NTRK3: variants seen among roughly 807,000 people sequenced by gnomAD.
The protein encoded by NTRK3 is neurotrophic receptor tyrosine kinase 3.
Under a neutral mutation model 91.7 loss-of-function variants are expected in NTRK3, and 24 were observed. The ratio of observed to expected loss-of-function variants is 0.26; its 90% CI spans 0.19 to 0.37. The LOEUF is 0.37. Among genes scored for constraint, NTRK3 ranks in the 10% least tolerant of loss-of-function variants. The probability of loss-of-function intolerance (pLI) is 1.00; values close to 1 mark genes in which losing one functional copy is unlikely to be tolerated. For missense variants in NTRK3, 880 were observed against 1,068.9 expected (o/e 0.82, Z 2.46); for synonymous variants, 483 against 404.0 (o/e 1.20, Z -2.34).
chr15:88,153,787 C>T (rs867384478), intron 5 of NTRK3, among the ~76,000 whole-genome samples: 2 of 151,990 alleles, frequency 1.3e-5, no homozygotes, highest in Middle Eastern at 3.4e-3. Flanking sequence ...AGCTAGCTCT[C>T]GGGGGCCTCT....
chr15:88,183,407 G>C lies in NTRK3; in HGVS notation c.395+11C>G. The stretch of plus-strand genomic sequence containing the variant: ...ATGTGCCCCCAATCCCTGCAGCCCA[G>C]CTCTACTCACATATAACGCAAATGG... On this transcript the variant is annotated intron_variant, in intron 5 of 18. Coordinates refer to ENST00000394480, the Ensembl canonical transcript of NTRK3. The C allele has an allele frequency of 6.2e-7, 1 of 1,613,726 alleles. No individual in the cohort carries two copies. Among genetic ancestry groups the C allele is most frequent in the Non-Finnish European group, 8.5e-7 (1 of 1,179,724 alleles).
At position 88,255,586 on chromosome 15, in the gene NTRK3, A is replaced by G. The variant is rs1012757649; in HGVS notation, c.248+320T>C. On this transcript the variant is annotated intron_variant, in intron 3 of 18. Coordinates refer to ENST00000394480, the Ensembl canonical transcript of NTRK3. This position sits in a 1 kb window ranked among gnomAD's most constrained non-coding sequence, Gnocchi z 4.3. ...GCTATTTAGTGGGGAGCAAAAAAAA[A>G]CAATTTGCACCATCGAAACGAGCCA... Among the ~76,000 whole-genome samples the G allele has an allele frequency of 3.9e-5, 6 of 152,018 alleles. No individual in the cohort carries two copies. The highest frequency in any genetic ancestry group is 1.4e-4 in the African/African-American group (6 of 41,408).
At chr15:88,034,947 A>G (rs996644095) in intron 13 of NTRK3, among the ~76,000 whole-genome samples, 3 of 152,218 alleles carry the variant, frequency 2.0e-5, no homozygotes, top group African/African-American at 4.8e-5. Context: ...AAAACTAAGC[A>G]CTGGTTTTTA....
chr15:87,964,502 T>A (rs970091491), intron 14 of NTRK3, among the ~76,000 whole-genome samples: 2 of 152,048 alleles, frequency 1.3e-5, no homozygotes, highest in African/African-American at 4.8e-5. Flanking sequence ...TGAGACATTA[T>A]TTTACATACC....
intron 3 of NTRK3, among the ~76,000 whole-genome samples, chr15:88,188,159 A>C (rs8024440): frequency 3.9e-4 from 59 of 152,298 alleles, no homozygotes; most frequent in African/African-American, 1.2e-3. Flanking sequence ...GATGGCCCCC[A>C]CAGGAACCTG....
intron 10 of NTRK3, 70 bp downstream of exon 10, chr15:88,135,031 C>T: frequency 6.4e-7 from 1 of 1,564,920 alleles, no homozygotes; most frequent in Non-Finnish European, 8.8e-7. Context: ...TCCTCTCAAG[C>T]TACCATGCCC....
intron 14 of NTRK3, among the ~76,000 whole-genome samples, chr15:88,028,217 G>T (rs562706144): frequency 2.0e-5 from 3 of 152,160 alleles, no homozygotes; most frequent in African/African-American, 7.2e-5. Flanking sequence ...AGCAGGGGGC[G>T]CCATCCCATG....
At chr15:88,111,908 G>GTTT (rs57625455) in intron 13 of NTRK3, among the ~76,000 whole-genome samples, 17,587 of 134,834 alleles carry the variant, frequency 0.13, 1,190 homozygotes, top group South Asian at 0.16. Context: ...TTTTGTTTTT[G>GTTT]TTTTTTTTTT....
At chr15:88,143,059 A>G (rs1242386193) in intron 6 of NTRK3, among the ~76,000 whole-genome samples, 1 of 151,342 alleles carries the variant, frequency 6.6e-6, no homozygotes, top group Non-Finnish European at 1.5e-5. Flanking sequence ...TACTAAAAAT[A>G]CAAAAAAAAA....
chr15:88,165,663 A>G (rs1012460217), intron 5 of NTRK3, among the ~76,000 whole-genome samples: 1 of 152,204 alleles, frequency 6.6e-6, no homozygotes, highest in Non-Finnish European at 1.5e-5. Context: ...AATCTTCCCA[A>G]CAACATTTTA....
intron 16 of NTRK3, among the ~76,000 whole-genome samples, chr15:87,930,041 G>A (rs537624820): frequency 2.0e-5 from 3 of 152,284 alleles, no homozygotes; most frequent in East Asian, 3.9e-4. Flanking sequence ...TTGGCTAGGT[G>A]AGCTTGCTCA....
At chr15:88,229,714 C>A (rs1255608729) in intron 3 of NTRK3, among the ~76,000 whole-genome samples, 1 of 152,204 alleles carries the variant, frequency 6.6e-6, no homozygotes, top group Non-Finnish European at 1.5e-5. Context: ...GCCTCCCTCA[C>A]CTGCTCATGG....
intron 14 of NTRK3, among the ~76,000 whole-genome samples, chr15:88,011,618 C>T (rs938646124): frequency 2.6e-5 from 4 of 152,044 alleles, no homozygotes; most frequent in Non-Finnish European, 4.4e-5. Flanking sequence ...GAAAAGAAGC[C>T]GCAGCTGAAG....
intron 14 of NTRK3, among the ~76,000 whole-genome samples, chr15:87,998,711 A>T (rs376142859): frequency 6.6e-6 from 1 of 152,198 alleles, no homozygotes; most frequent in Admixed American, 6.5e-5. Context: ...TTCAATAGCC[A>T]TTATGCCAAC....
intron 8 of NTRK3, 114 bp from the exon 9 acceptor site, chr15:88,136,154 A>G: frequency 7.3e-7 from 1 of 1,378,030 alleles, no homozygotes; most frequent in South Asian, 1.2e-5. Flanking sequence ...AAGGCGAAGG[A>G]GATCTTTGTG....
intron 13 of NTRK3, chr15:88,099,312 A>C (rs2049943125): frequency 4.7e-6 from 1 of 213,330 alleles, no homozygotes; most frequent in South Asian, 1.9e-4. Context: ...CCAGCTGATG[A>C]AAAGAAAAAA....
chr15:87,879,729 T>G (rs1229344652), intron 18 of NTRK3, among the ~76,000 whole-genome samples: 1 of 152,194 alleles, frequency 6.6e-6, no homozygotes, highest in Non-Finnish European at 1.5e-5. Flanking sequence ...ATTACTAAGT[T>G]TAACAGTAAA....
chr15:88,228,226 C>T (rs767194411), intron 3 of NTRK3, among the ~76,000 whole-genome samples: 1 of 152,078 alleles, frequency 6.6e-6, no homozygotes, highest in South Asian at 2.1e-4. Context: ...CCATGCATGC[C>T]CCCTCAGCTC....
chr15:88,210,409 C>T (rs1038737449), intron 3 of NTRK3, among the ~76,000 whole-genome samples: 1 of 152,170 alleles, frequency 6.6e-6, no homozygotes, highest in Non-Finnish European at 1.5e-5. Context: ...AAGCCCTAGC[C>T]TCAGGTTTTC....
Sources: gnomAD v4.1 joint callset for allele counts (sites outside exome capture counted in the v4.1 genomes callset) on GRCh38, gnomAD v4.1.1 for gene constraint, Gnocchi (gnomAD v3.1) non-coding constraint, MANE v1.5 for transcripts, NCBI Gene and HGNC (gene_info 2026-07-23, HGNC 2026-07-21) for gene names.